The following COL4A2 variants were observed in gnomAD, a reference collection of about 807,000 sequenced individuals.
COL4A2 encodes the protein collagen alpha-2(IV) chain.
In COL4A2, 99 loss-of-function variants were observed where a neutral mutation model predicts 200.2. The ratio of observed to expected loss-of-function variants is 0.49; its 90% CI spans 0.42 to 0.58. The LOEUF (loss-of-function observed/expected upper bound fraction) is 0.58, where lower values mean the gene tolerates loss of function less well. COL4A2 is among the 20% of genes least tolerant of loss of function. COL4A2 has a pLI of 0.00. For missense variants in COL4A2, 1,950 were observed against 2,314.1 expected (o/e 0.84, Z 3.23); for synonymous variants, 897 against 900.6 (o/e 1.00, Z 0.07).
chr13:110,349,403 C>T (rs559877357), intron 3 of COL4A2, among the ~76,000 whole-genome samples: 1 of 152,336 alleles, frequency 6.6e-6, no homozygotes, highest in East Asian at 1.9e-4. Flanking sequence ...CAACACGATA[C>T]TCTCTTCTCA....
chr13:110,467,257 C>T (rs1345015468), intron 27 of COL4A2, among the ~76,000 whole-genome samples, 161 bp downstream of exon 27: 1 of 152,188 alleles, frequency 6.6e-6, no homozygotes, highest in African/African-American at 2.4e-5. Context: ...TACAGGGAGC[C>T]CACTGTCATT....
At chr13:110,470,551 T>C (rs965564238) in intron 28 of COL4A2, among the ~76,000 whole-genome samples, 3 of 152,172 alleles carry the variant, frequency 2.0e-5, no homozygotes, top group African/African-American at 4.8e-5. Flanking sequence ...ACACATACTT[T>C]CTTTTAATGA....
At chr13:110,397,526 C>T (rs77975863) in intron 4 of COL4A2, among the ~76,000 whole-genome samples, 1 of 152,172 alleles carries the variant, frequency 6.6e-6, no homozygotes, top group Non-Finnish European at 1.5e-5. Flanking sequence ...TTAAGAACAT[C>T]GTAGGTGGCA....
chr13:110,317,108 C>A (rs1455967863), intron 3 of COL4A2, among the ~76,000 whole-genome samples: 1 of 151,296 alleles, frequency 6.6e-6, no homozygotes, highest in Admixed American at 6.6e-5. Flanking sequence ...CAGACACACA[C>A]ATGCACATAT....
chr13:110,475,500 G>A (rs1209629697), intron 29 of COL4A2, among the ~76,000 whole-genome samples: 2 of 152,202 alleles, frequency 1.3e-5, no homozygotes, highest in African/African-American at 4.8e-5. Context: ...CAGAATGTTT[G>A]AGCATGAAAA....
intron 3 of COL4A2, among the ~76,000 whole-genome samples, chr13:110,356,164 C>T (rs1406328235): frequency 6.6e-6 from 1 of 152,132 alleles, no homozygotes; most frequent in Non-Finnish European, 1.5e-5. Context: ...TTTGCCCCAT[C>T]GGGATTGCCC....
intron 4 of COL4A2, among the ~76,000 whole-genome samples, chr13:110,416,486 T>C (rs1238356871): frequency 1.3e-5 from 2 of 152,246 alleles, no homozygotes; most frequent in Non-Finnish European, 2.9e-5. Flanking sequence ...TAAAAGGCTT[T>C]CCCAGAAAAT....
chr13:110,406,079 G>T (rs1317703862), intron 4 of COL4A2, among the ~76,000 whole-genome samples: 1 of 152,178 alleles, frequency 6.6e-6, no homozygotes, highest in Non-Finnish European at 1.5e-5. Flanking sequence ...CTACTGTCTT[G>T]CATGACAAAG....
intron 24 of COL4A2, among the ~76,000 whole-genome samples, chr13:110,463,545 T>A (rs1367022649): frequency 4.6e-5 from 7 of 152,204 alleles, no homozygotes; most frequent in Admixed American, 3.9e-4. Context: ...ATGTCTTCTC[T>A]AGTTTTAACG....
At position 110,371,609 on chromosome 13, in the gene COL4A2, C is replaced by A. The variant is rs562232264; in HGVS notation, c.180+14057C>A. ...GACACTGTTGCTTTTTAAAATTTAT[C>A]ATGTTTTTATATCAAGCCTGTGCCA... On this transcript the variant is annotated intron_variant, in intron 4 of 47. Transcript: ENST00000360467. Among the ~76,000 whole-genome samples the A allele has an allele frequency of 9.2e-5, 14 of 152,198 alleles. No homozygotes were observed. The South Asian group carries it at 2.9e-3, about 32-fold the overall frequency.
At chr13:110,509,936 C>CCTCCAGATGTGCCCT (rs1884029479) in intron 47 of COL4A2, among the ~76,000 whole-genome samples, 1 of 152,190 alleles carries the variant, frequency 6.6e-6, no homozygotes, top group Non-Finnish European at 1.5e-5. Context: ...AGATGTGCCC[C>CCTCCAGATGTGCCCT]CTCCAGATGT....
chr13:110,475,388 A>C (rs1445482554), intron 29 of COL4A2, among the ~76,000 whole-genome samples: 1 of 152,164 alleles, frequency 6.6e-6, no homozygotes. Context: ...TCCACCATCG[A>C]CCTGTTCTGC....
chr13:110,317,899 C>CCCAGT (rs1308650757), intron 3 of COL4A2, among the ~76,000 whole-genome samples: 1 of 152,184 alleles, frequency 6.6e-6, no homozygotes, highest in Non-Finnish European at 1.5e-5. Context: ...GTACAGGAAA[C>CCCAGT]CCAGTGGGCA....
intron 3 of COL4A2, among the ~76,000 whole-genome samples, chr13:110,353,886 A>G (rs1403950983): frequency 6.6e-6 from 1 of 152,192 alleles, no homozygotes; most frequent in Non-Finnish European, 1.5e-5. Context: ...CTCACAATAT[A>G]GCACTGGAGC....
At chr13:110,358,901 T>C (rs1203445647) in intron 4 of COL4A2, among the ~76,000 whole-genome samples, 1 of 152,240 alleles carries the variant, frequency 6.6e-6, no homozygotes, top group Non-Finnish European at 1.5e-5. Flanking sequence ...TAAGCATCTT[T>C]TCTTTCATTC....
At chr13:110,353,423 G>A (rs1877047627) in intron 3 of COL4A2, among the ~76,000 whole-genome samples, 1 of 152,186 alleles carries the variant, frequency 6.6e-6, no homozygotes, top group Non-Finnish European at 1.5e-5. Flanking sequence ...GAGCAGGGTG[G>A]CAGCAGGTGC....
intron 22 of COL4A2, chr13:110,459,277 G>T (rs1221367230): frequency 9.2e-6 from 2 of 217,946 alleles, no homozygotes; most frequent in Admixed American, 5.1e-5. Flanking sequence ...AATGTTCACA[G>T]CAGCATTCTT....
At chr13:110,440,416 G>A (rs1255480731) in intron 16 of COL4A2, among the ~76,000 whole-genome samples, 3 of 151,990 alleles carry the variant, frequency 2.0e-5, no homozygotes, top group African/African-American at 7.3e-5. Context: ...TGACCAACAT[G>A]GTGAAACCCT....
At chr13:110,373,425 G>T (rs1878102019) in intron 4 of COL4A2, among the ~76,000 whole-genome samples, 1 of 152,180 alleles carries the variant, frequency 6.6e-6, no homozygotes, top group South Asian at 2.1e-4. Context: ...TGAAATATTT[G>T]ACTACTTTTC....
Sources: allele counts gnomAD v4.1 joint callset (sites outside exome capture counted in the v4.1 genomes callset), GRCh38; gene constraint gnomAD v4.1.1; transcripts MANE v1.5; gene names NCBI Gene and HGNC (gene_info 2026-07-23, HGNC 2026-07-21).